Variants in AGBL1 observed in about 807,000 individuals in gnomAD.
AGBL1 encodes cytosolic carboxypeptidase 4.
A neutral mutation model predicts 118.9 loss-of-function variants in AGBL1; 130 were observed. The observed-to-expected ratio is 1.09, with a 90% CI of 0.95 to 1.26. The LOEUF (loss-of-function observed/expected upper bound fraction) is 1.26. Among genes scored for constraint, AGBL1 ranks in the 50% most tolerant of loss-of-function variants. The pLI, the probability that AGBL1 is intolerant of heterozygous loss-of-function variation, is 0.00. For synonymous variants in AGBL1, 555 were observed against 478.9 expected, an observed-to-expected ratio of 1.16 and a Z score of -2.08; for missense variants, 1,584 against 1,298.1, an observed-to-expected ratio of 1.22 and a Z score of -3.38.
intron 5 of AGBL1, among the ~76,000 whole-genome samples, chr15:86,164,538 T>C (rs2141725837): frequency 6.6e-6 from 1 of 152,262 alleles, no homozygotes; most frequent in East Asian, 1.9e-4. Flanking sequence ...GCCTGAAGAT[T>C]TTGATAATAA....
rs139392155 is a variant in AGBL1, at chr15:86,829,909, C to T, written c.3159-77178C>T. On this transcript the variant is annotated intron_variant, in intron 22 of 22. Coordinates refer to ENST00000614907, the MANE Select transcript of AGBL1 (RefSeq NM_001386094.1). ...TTAGCACCCTGGCCTAAGGATTAAA[C>T]GCCCATAGTATACCACTTTTATTGC... Among the ~76,000 whole-genome samples the T allele has an allele frequency of 4.2e-3, 646 of 152,192 alleles. 7 individuals are homozygous for T. Among genetic ancestry groups the T allele is most frequent in the African/African-American group, 0.014 (597 of 41,540 alleles).
chr15:86,083,383 T>C (rs576993519), intron 1 of AGBL1: 2 of 152,348 alleles, frequency 1.3e-5, no homozygotes, highest in South Asian at 4.1e-4. Context: ...GAAAAATGCA[T>C]AATTTTTCGG....
chr15:86,797,216 C>T (rs1020670809), intron 22 of AGBL1, among the ~76,000 whole-genome samples: 2 of 152,206 alleles, frequency 1.3e-5, no homozygotes, highest in Non-Finnish European at 2.9e-5. Context: ...TCTCAAAGGA[C>T]TGCATGCCCA....
At chr15:86,796,445 C>G (rs1206687352) in intron 22 of AGBL1, among the ~76,000 whole-genome samples, 6 of 152,326 alleles carry the variant, frequency 3.9e-5, no homozygotes, top group African/African-American at 1.4e-4. Flanking sequence ...AAGATAAAAA[C>G]TGTATTGCTT....
chr15:86,842,129 C>T (rs1262729411), intron 22 of AGBL1, among the ~76,000 whole-genome samples: 1 of 151,726 alleles, frequency 6.6e-6, no homozygotes, highest in Non-Finnish European at 1.5e-5. Context: ...CTAGAGGAAA[C>T]TGCTTTGCTT....
Position 86,143,741 on chromosome 15 carries a change from G to C in AGBL1, c.158G>C (p.Ser53Thr). 6.2e-7 allele frequency: 1 copy of C among 1,613,906 alleles called. No homozygotes were observed. The highest frequency in any genetic ancestry group is 8.5e-7 in the Non-Finnish European group (1 of 1,179,800). ...RIHYMISKGG[S>T]EALLQTLVDT... ...CACTACATGATCAGCAAGGGTGGCAGTGAAGCTCTTCTGCAGACCCTGGTA... is the reference window on the plus strand; with the variant it reads ...CACTACATGATCAGCAAGGGTGGCACTGAAGCTCTTCTGCAGACCCTGGTA... The change falls in exon 3 of 23, where the codon AGT becomes ACT. Residue 53 changes from serine to threonine, a missense_variant. Coordinates refer to ENST00000614907, the MANE Select transcript of AGBL1 (RefSeq NM_001386094.1).
chr15:86,425,582 A>T (rs1440521930), intron 18 of AGBL1, among the ~76,000 whole-genome samples: 1 of 152,194 alleles, frequency 6.6e-6, no homozygotes, highest in African/African-American at 2.4e-5. Context: ...AGAAATTGGG[A>T]AGCAAGTTAA....
At chr15:86,946,899 GGTGAGAT>G (rs1486591087) in intron 23 of AGBL1, among the ~76,000 whole-genome samples, 2 of 151,224 alleles carry the variant, frequency 1.3e-5, no homozygotes, top group Non-Finnish European at 2.9e-5. Context: ...ACTACAGGGA[GGTGAGAT>G]GGGAGATGGG....
At chr15:86,953,398 G>A (rs2080898595) in intron 23 of AGBL1, among the ~76,000 whole-genome samples, 1 of 140,368 alleles carries the variant, frequency 7.1e-6, no homozygotes, top group Non-Finnish European at 1.5e-5. Flanking sequence ...AGCTGTATTT[G>A]GATTTTTTTT....
intron 16 of AGBL1, among the ~76,000 whole-genome samples, chr15:86,285,252 C>T (rs965034876): frequency 3.9e-5 from 6 of 152,040 alleles, no homozygotes; most frequent in African/African-American, 1.4e-4. Flanking sequence ...CTTGCTGGAC[C>T]TGATGGCAGG....
intron 17 of AGBL1, among the ~76,000 whole-genome samples, chr15:86,390,660 A>ATTTTTTTTTTTTTTTTTTTTTTTTTTT (rs756052402): frequency 1.3e-5 from 1 of 75,474 alleles, no homozygotes. Flanking sequence ...ATACTGTATG[A>ATTTTTTTTTTTTTTTTTTTTTTTTTTT]TTTTTTTTTT....
intron 22 of AGBL1, among the ~76,000 whole-genome samples, chr15:86,750,735 C>G (rs1018522008): frequency 6.6e-6 from 1 of 151,658 alleles, no homozygotes; most frequent in Non-Finnish European, 1.5e-5. Context: ...ATTTAATTGC[C>G]CAGGTATTAA....
At chr15:86,314,703 T>C (rs986198105) in intron 17 of AGBL1, among the ~76,000 whole-genome samples, 9 of 152,142 alleles carry the variant, frequency 5.9e-5, no homozygotes, top group African/African-American at 2.2e-4. Context: ...CTGGCTTTCC[T>C]GAGACATTGC....
intron 23 of AGBL1, chr15:86,939,900 C>G (rs1478575328): frequency 1.4e-5 from 2 of 147,766 alleles, no homozygotes; most frequent in Non-Finnish European, 3.0e-5. Flanking sequence ...TATATATATG[C>G]TTTTTTTTTT....
At chr15:86,838,945 A>AAG (rs1275734419) in intron 22 of AGBL1, among the ~76,000 whole-genome samples, 1 of 145,694 alleles carries the variant, frequency 6.9e-6, no homozygotes, top group Middle Eastern at 3.3e-3. Context: ...ATCCTGTAAA[A>AAG]AAAAAAAAAA....
chr15:86,909,483 A>G lies in AGBL1; in HGVS notation c.*2189A>G, dbSNP rs1326471532. 2 of 152,206 alleles carry G rather than the reference A, an allele frequency of 1.3e-5. No individual in the cohort carries two copies. The highest frequency in any genetic ancestry group is 2.9e-5 in the Non-Finnish European group (2 of 68,038). The allele number at this position is 152,206 out of a possible 1,614,324, so 9.4% of individuals were successfully genotyped here. A position where few individuals can be genotyped will look rare whatever the true frequency, so the allele number is the denominator to read the frequency against. On this transcript the variant is annotated 3_prime_UTR_variant, in exon 23 of 23. Transcript: ENST00000614907. The stretch of plus-strand genomic sequence containing the variant: ...TGTTGTGATTTTGGGAGTTGATAAC[A>G]TTATTAATAGTCTCTTATTTTTTTA...
At chr15:86,262,483 T>G (rs2079007860) in intron 9 of AGBL1, 2 of 391,184 alleles carry the variant, frequency 5.1e-6, no homozygotes, top group African/African-American at 4.2e-5. Context: ...AAAGAATTTC[T>G]TTTATAATGT....
intron 8 of AGBL1, among the ~76,000 whole-genome samples, chr15:86,257,667 C>A (rs1173492556): frequency 6.6e-6 from 1 of 152,184 alleles, no homozygotes; most frequent in East Asian, 1.9e-4. Context: ...GCATAAATAC[C>A]TCTAACTTTC....
chr15:87,008,060 C>T (rs2081522241), intron 24 of AGBL1, among the ~76,000 whole-genome samples: 1 of 152,172 alleles, frequency 6.6e-6, no homozygotes, highest in Non-Finnish European at 1.5e-5. Context: ...TAGGTGTCAA[C>T]TTGACTGGAT....
Sources: gnomAD v4.1 joint callset for allele counts (sites outside exome capture counted in the v4.1 genomes callset) on GRCh38, gnomAD v4.1.1 for gene constraint, MANE v1.5 for transcripts, NCBI Gene and HGNC (gene_info 2026-07-23, HGNC 2026-07-21) for gene names.